The following SHROOM2 variants were observed in gnomAD, a reference collection of about 807,000 sequenced individuals.
The protein encoded by SHROOM2 is protein Shroom2.
SHROOM2 carries 33 observed loss-of-function variants against 75.9 expected under a neutral mutation model. The ratio of observed to expected loss-of-function variants is 0.43; its 90% confidence interval spans 0.33 to 0.58. The LOEUF is 0.58. Ranked by LOEUF, SHROOM2 falls within the 20% of genes least tolerant of loss-of-function variation. The pLI is 0.04. For missense variants in SHROOM2, 1,434 were observed against 1,461.2 expected, an observed-to-expected ratio of 0.98 and a Z score of 0.30; for synonymous variants, 655 against 663.6, an observed-to-expected ratio of 0.99 and a Z score of 0.20.
At chrX:9,915,283 GGTGATTT>G (rs2084479668) in intron 5 of SHROOM2, among the ~76,000 whole-genome samples, 1 of 111,082 alleles carries the variant, frequency 9.0e-6, no homozygotes, top group Non-Finnish European at 1.9e-5. Flanking sequence ...AGCTCTGTGG[GGTGATTT>G]GTGGCTGCAC....
At chrX:9,926,845 A>G (rs890384122) in intron 5 of SHROOM2, among the ~76,000 whole-genome samples, 1 of 111,039 alleles carries the variant, frequency 9.0e-6, no homozygotes, top group African/African-American at 3.3e-5. Context: ...CACCCCCGAG[A>G]TGTCTCATTA....
intron 1 of SHROOM2, among the ~76,000 whole-genome samples, chrX:9,837,719 G>T (rs1396451268): frequency 8.9e-6 from 1 of 112,189 alleles, no homozygotes; most frequent in South Asian, 3.7e-4. Flanking sequence ...CTGTACTGGG[G>T]ATGTCGCCTC....
intron 1 of SHROOM2, among the ~76,000 whole-genome samples, chrX:9,822,405 C>T (rs2083857939): frequency 8.9e-6 from 1 of 111,942 alleles, no homozygotes; most frequent in Admixed American, 9.4e-5. Context: ...GTGGCAAAGA[C>T]CACTTGTAAT....
chrX:9,889,108 A>G (rs6530340), intron 2 of SHROOM2, among the ~76,000 whole-genome samples: 22,239 of 111,181 alleles, frequency 0.2, 2,004 homozygotes, highest in East Asian at 0.47. Context: ...ATTTTGAGAA[A>G]TTCCATGAGG....
intron 6 of SHROOM2, 107 bp from the exon 7 acceptor site, chrX:9,937,027 G>C: frequency 1.2e-6 from 1 of 829,651 alleles, no homozygotes; most frequent in Non-Finnish European, 1.7e-6. Context: ...TGGCTGGCTA[G>C]TGCCTTTGAG....
intron 1 of SHROOM2, among the ~76,000 whole-genome samples, chrX:9,838,550 A>T (rs751453292): frequency 1.1e-4 from 12 of 111,783 alleles, no homozygotes; most frequent in Non-Finnish European, 9.4e-5. Flanking sequence ...TCTGCAGGAA[A>T]GTATCTCAGT....
At chrX:9,836,377 C>G (rs2083945176) in intron 1 of SHROOM2, among the ~76,000 whole-genome samples, 1 of 110,906 alleles carries the variant, frequency 9.0e-6, no homozygotes, top group Non-Finnish European at 1.9e-5. Context: ...CTGGAGGTTT[C>G]TAAGAACATT....
chrX:9,873,735 A>T lies in SHROOM2; in HGVS notation c.249A>T (p.Ser83=). ...TCGGCATCAATGACATTGGTCTCTC[A>T]GGGTTTAGACAGGAAGCGATTTGCC... ...EIVGINDIGL[S]GFRQEAICLV... is the part of the protein sequence containing the mutation. Residue 83 remains serine, a synonymous_variant, in exon 2 of 10, where the codon TCA becomes TCT. Coordinates refer to ENST00000380913, the MANE Select transcript of SHROOM2 (RefSeq NM_001649.4). The T allele has an allele frequency of 8.3e-7, 1 of 1,211,528 alleles. No individual in the cohort carries two copies. The highest frequency in any genetic ancestry group is 1.1e-6 in the Non-Finnish European group (1 of 895,276).
chrX:9,884,368 C>CTTCTTTTTTTTTTTT (rs1372366663), intron 2 of SHROOM2, among the ~76,000 whole-genome samples: 1 of 62,307 alleles, frequency 1.6e-5, no homozygotes, highest in Non-Finnish European at 3.1e-5. Context: ...TTTTTCTTTT[C>CTTCTTTTTTTTTTTT]TTTTTTTTTT....
chrX:9,804,662 G>A (rs892149963), intron 1 of SHROOM2, among the ~76,000 whole-genome samples: 1 of 111,472 alleles, frequency 9.0e-6, no homozygotes, highest in Non-Finnish European at 1.9e-5. Flanking sequence ...ACTGGCTGTG[G>A]TGAGCTGGTG....
At chrX:9,935,335 T>TTA (rs1160776258) in intron 6 of SHROOM2, among the ~76,000 whole-genome samples, 11 of 98,632 alleles carry the variant, frequency 1.1e-4, no homozygotes, top group South Asian at 8.7e-4. Flanking sequence ...ATTATTATTA[T>TTA]TTATTATTAT....
intron 6 of SHROOM2, among the ~76,000 whole-genome samples, chrX:9,936,620 G>A (rs995278512): frequency 7.2e-5 from 8 of 110,982 alleles, no homozygotes; most frequent in Admixed American, 1.9e-4. Context: ...GTGGTGGGGG[G>A]CTTTGGCCTG....
rs1228965812 is a variant in SHROOM2 at position 9,939,272 on chromosome X, C to T, written c.4217C>T (p.Ala1406Val). 13 of 1,208,474 alleles carry T rather than the reference C, an allele frequency of 1.1e-5. No homozygotes were observed. Among genetic ancestry groups the T allele is most frequent in the South Asian group, 1.8e-5 (1 of 56,362 alleles). The change falls in exon 8 of 10, where the codon GCG becomes GTG. Residue 1406 changes from alanine (A) to valine (V), a missense_variant. Around this residue, in one of 3 missense-constraint regions of SHROOM2, gnomAD observed 1,340 missense variants for 1,338.3 expected, o/e 1.00. Coordinates refer to ENST00000380913, the MANE Select transcript of SHROOM2 (RefSeq NM_001649.4). ...TACTACAGCACGTCGGCCCCCAAGG[C>T]GGAGCTGCTGATCAAGATGAAGGAC... ...STYYSTSAPKAELLIKMKDLQ... is the reference protein window; with the variant it reads ...STYYSTSAPKVELLIKMKDLQ...
intron 5 of SHROOM2, among the ~76,000 whole-genome samples, chrX:9,903,047 A>C (rs1320053377): frequency 8.9e-6 from 1 of 112,426 alleles, no homozygotes; most frequent in Non-Finnish European, 1.9e-5. Flanking sequence ...AATATGTATA[A>C]ACAAGCTAAA....
chrX:9,884,158 G>C (rs1038503501), intron 2 of SHROOM2, among the ~76,000 whole-genome samples: 4 of 110,769 alleles, frequency 3.6e-5, no homozygotes, highest in African/African-American at 1.3e-4. Context: ...GGGGGACCAG[G>C]TGGGCCTGTG....
At chrX:9,891,265 C>T (rs757793404) in intron 3 of SHROOM2, among the ~76,000 whole-genome samples, 157 bp downstream of exon 3, 223 of 111,825 alleles carry the variant, frequency 2.0e-3, no homozygotes, top group African/African-American at 7.1e-3. Flanking sequence ...AACCGGCAAG[C>T]GTGTGACACA....
chrX:9,896,397 G>A lies in SHROOM2; in HGVS notation c.2489G>A (p.Arg830Gln), dbSNP rs755337260. Residue 830 changes from arginine (R) to glutamine (Q), a missense_variant, in exon 4 of 10, where the codon CGG (arginine) becomes CAG (glutamine). By Grantham distance (43) the Arg-to-Gln change is conservative (BLOSUM62 1). Coordinates refer to ENST00000380913, the MANE Select transcript of SHROOM2 (RefSeq NM_001649.4). ...CCGAGAGACAAGCCAGAGAGGCCGC[G>A]GACAGCGGGCCGCACATGTGAGGGC... ...GIPRDKPERP[R>Q]TAGRTCEGTE... 27 of 1,211,274 alleles carry A rather than the reference G, an allele frequency of 2.2e-5. No individual in the cohort carries two copies. Among genetic ancestry groups the A allele is most frequent in the Admixed American group, 1.5e-4 (7 of 46,019 alleles).
intron 1 of SHROOM2, among the ~76,000 whole-genome samples, chrX:9,843,459 C>T (rs1239334074): frequency 9.2e-6 from 1 of 109,203 alleles, no homozygotes; most frequent in Non-Finnish European, 1.9e-5. Flanking sequence ...AGTGCAGTGG[C>T]GTGATCATAG....
chrX:9,910,816 C>CA (rs201958775), intron 5 of SHROOM2, among the ~76,000 whole-genome samples: 47,663 of 95,448 alleles, frequency 0.5, 11,872 homozygotes, highest in African/African-American at 0.85. Flanking sequence ...GACTCCATCT[C>CA]AAAAAAAAAA....
Sources: gnomAD v4.1 joint callset for allele counts (sites outside exome capture counted in the v4.1 genomes callset) on GRCh38, gnomAD v4.1.1 for gene constraint, gnomAD v4.1.1 regional missense constraint, MANE v1.5 for transcripts, NCBI Gene and HGNC (gene_info 2026-07-23, HGNC 2026-07-21) for gene names.